BBS9: variants seen among roughly 807,000 people sequenced by gnomAD.
BBS9 encodes protein PTHB1.
A neutral mutation model predicts 117.7 loss-of-function variants in BBS9; 89 were observed. That is an observed-to-expected ratio of 0.76 (90% CI 0.64 to 0.90). BBS9 has a LOEUF of 0.90. Among genes scored for constraint, BBS9 ranks in the 40% least tolerant of loss-of-function variants. The pLI is 0.00. For synonymous variants in BBS9, 379 were observed against 370.9 expected (o/e 1.02, Z -0.25); for missense variants, 982 against 1,042.2 (o/e 0.94, Z 0.80).
At chr7:33,332,145 G>A (rs1814217986) in intron 9 of BBS9, among the ~76,000 whole-genome samples, 1 of 148,404 alleles carries the variant, frequency 6.7e-6, no homozygotes. Flanking sequence ...CAGAAATAAA[G>A]CCAGACTTCG....
intron 9 of BBS9, among the ~76,000 whole-genome samples, chr7:33,312,465 C>T (rs1027842671): frequency 6.6e-6 from 1 of 151,878 alleles, no homozygotes; most frequent in African/African-American, 2.4e-5. Flanking sequence ...TTAATATTTT[C>T]AAATGCCGCA....
At chr7:33,530,647 A>G (rs1245983790) in intron 20 of BBS9, among the ~76,000 whole-genome samples, 2 of 152,074 alleles carry the variant, frequency 1.3e-5, no homozygotes, top group Non-Finnish European at 2.9e-5. Flanking sequence ...TCAATTCTAG[A>G]TATTAGTCTA....
At chr7:33,577,374 A>G (rs1585330864) in intron 21 of BBS9, among the ~76,000 whole-genome samples, 1 of 152,342 alleles carries the variant, frequency 6.6e-6, no homozygotes, top group East Asian at 1.9e-4. Flanking sequence ...GCCAGTTAGA[A>G]TGGCGATCGT....
At chr7:33,322,266 CTG>C (rs2128584484) in intron 9 of BBS9, among the ~76,000 whole-genome samples, 2 of 148,144 alleles carry the variant, frequency 1.4e-5, no homozygotes, top group East Asian at 4.0e-4. Context: ...CCCTCCCTCT[CTG>C]TTTTTTTGTA....
intron 21 of BBS9, among the ~76,000 whole-genome samples, chr7:33,612,383 A>G (rs1864926340): frequency 6.6e-6 from 1 of 152,064 alleles, no homozygotes; most frequent in South Asian, 2.1e-4. Context: ...TTTCCCCCAA[A>G]ATGTCAATAA....
chr7:33,280,961 A>G (rs988419107), intron 9 of BBS9, among the ~76,000 whole-genome samples: 1 of 91,344 alleles, frequency 1.1e-5, no homozygotes, highest in Non-Finnish European at 2.2e-5. Context: ...GAGCCTATAT[A>G]CTTTTTGCTA....
chr7:33,465,740 T>C (rs1319055412), intron 19 of BBS9, among the ~76,000 whole-genome samples: 1 of 152,180 alleles, frequency 6.6e-6, no homozygotes, highest in Non-Finnish European at 1.5e-5. Context: ...TTAATACATA[T>C]GGATACATGT....
At chr7:33,161,680 C>T (rs919932223) in intron 4 of BBS9, among the ~76,000 whole-genome samples, 1 of 152,154 alleles carries the variant, frequency 6.6e-6, no homozygotes, top group Non-Finnish European at 1.5e-5. Context: ...GTTACAGATC[C>T]TTGAGGAATT....
chr7:33,545,653 C>T (rs1853192532), intron 21 of BBS9, among the ~76,000 whole-genome samples: 1 of 152,060 alleles, frequency 6.6e-6, no homozygotes, highest in South Asian at 2.1e-4. Context: ...CAATGCAAGC[C>T]TCCCCGTACT....
chr7:33,252,434 G>C (rs903548575), intron 5 of BBS9, among the ~76,000 whole-genome samples: 2 of 152,126 alleles, frequency 1.3e-5, no homozygotes, highest in Non-Finnish European at 2.9e-5. Context: ...ACTTTAGCAT[G>C]CACCGTAGTA....
intron 19 of BBS9, among the ~76,000 whole-genome samples, chr7:33,422,586 C>G (rs1430991730): frequency 6.6e-6 from 1 of 152,046 alleles, no homozygotes; most frequent in African/African-American, 2.4e-5. Context: ...TTTTGATTGT[C>G]CTGCTTTAAA....
At chr7:33,138,640 T>C (rs1212802920) in intron 1 of BBS9, among the ~76,000 whole-genome samples, 2 of 150,948 alleles carry the variant, frequency 1.3e-5, no homozygotes, top group Admixed American at 6.6e-5. Flanking sequence ...AATAATGATA[T>C]ATATATTTTT....
chr7:33,557,321 C>T (rs570051876), intron 21 of BBS9, among the ~76,000 whole-genome samples: 29 of 152,174 alleles, frequency 1.9e-4, no homozygotes, highest in Middle Eastern at 3.4e-3. Context: ...AGTAGCTTTT[C>T]GAATTAGCTA....
At chr7:33,450,950 G>A (rs563997977) in intron 19 of BBS9, among the ~76,000 whole-genome samples, 4 of 151,382 alleles carry the variant, frequency 2.6e-5, no homozygotes, top group Admixed American at 6.6e-5. Flanking sequence ...GTGCAGTGGC[G>A]CGATCTCGGC....
At chr7:33,377,432 A>G (rs557352049) in intron 17 of BBS9, among the ~76,000 whole-genome samples, 17 of 152,284 alleles carry the variant, frequency 1.1e-4, no homozygotes, top group South Asian at 6.2e-4. Context: ...GCCCTGTAGT[A>G]TAGTCTGAAG....
At position 33,177,568 on chromosome 7, in the gene BBS9, A is replaced by G. The variant is rs762267565; in HGVS notation, c.419A>G (p.Tyr140Cys). Residue 140 changes from tyrosine (Y) to cysteine (C), a missense_variant, in exon 5 of 23, where the codon TAT (tyrosine) becomes TGT (cysteine). Transcript: ENST00000242067. ...NLQRTACNMT[Y>C]GSFGGVKGRD... ...CAGAGAACAGCCTGCAATATGACCT[A>G]TGGATCATTTGGTGGTGTAAAAGGT... 6.2e-7 allele frequency: 1 copy of G among 1,612,700 alleles called. No individual in the cohort carries two copies. The highest frequency in any genetic ancestry group is 1.7e-5 in the Admixed American group (1 of 60,012).
intron 4 of BBS9, among the ~76,000 whole-genome samples, chr7:33,169,400 T>G (rs1235337679): frequency 2.6e-5 from 4 of 151,848 alleles, no homozygotes; most frequent in African/African-American, 2.4e-5. Flanking sequence ...ACTTCCACAA[T>G]GGTTGAACTA....
chr7:33,527,635 G>T (rs1268963704), intron 20 of BBS9, among the ~76,000 whole-genome samples: 9 of 152,298 alleles, frequency 5.9e-5, no homozygotes, highest in Admixed American at 2.0e-4. Context: ...CCACTGACCT[G>T]CGCCCACTGT....
intron 1 of BBS9, among the ~76,000 whole-genome samples, chr7:33,140,909 T>C (rs1351763003): frequency 1.3e-5 from 2 of 152,376 alleles, no homozygotes; most frequent in East Asian, 3.9e-4. Context: ...CTAACTTCTT[T>C]CTTAGCATAA....
Sources: allele counts gnomAD v4.1 joint callset (sites outside exome capture counted in the v4.1 genomes callset), GRCh38; gene constraint gnomAD v4.1.1; transcripts MANE v1.5; gene names NCBI Gene and HGNC (gene_info 2026-07-23, HGNC 2026-07-21).